Variants in KCNMB2 observed in about 807,000 individuals in gnomAD.
KCNMB2 encodes the protein potassium calcium-activated channel subfamily M regulatory beta subunit 2.
In KCNMB2, 9 loss-of-function variants were observed where a neutral mutation model predicts 24.5. The observed-to-expected ratio is 0.37, with a 90% confidence interval of 0.22 to 0.64. KCNMB2 has a LOEUF of 0.64. KCNMB2 is among the 30% of genes least tolerant of loss of function. KCNMB2 has a pLI of 0.63. For synonymous variants in KCNMB2, 109 were observed against 104.4 expected (o/e 1.04, Z -0.27); for missense variants, 226 against 284.3 (o/e 0.79, Z 1.47).
Position 178,738,362 on chromosome 3 carries a change from T to C in KCNMB2, c.-67-68981T>C, listed in dbSNP as rs568682405. On this transcript the variant is annotated intron_variant, in intron 1 of 4. Coordinates refer to ENST00000452583, the MANE Select transcript of KCNMB2 (RefSeq NM_181361.3). ...AATCTATTCTACTCTAGCAGCAAGA[T>C]GGATGTTTTTACAATTCAAATCTGG... Among the ~76,000 whole-genome samples, 7 of 152,334 alleles carry C rather than the reference T, an allele frequency of 4.6e-5. No homozygotes were observed. In the East Asian group the frequency reaches 1.4e-3, roughly 29 times the overall value.
At chr3:178,596,374 T>C (rs561294867) in intron 1 of KCNMB2, among the ~76,000 whole-genome samples, 1 of 152,274 alleles carries the variant, frequency 6.6e-6, no homozygotes, top group African/African-American at 2.4e-5. Context: ...AAAGGCATTA[T>C]TTTTCTATTT....
At position 178,843,216 on chromosome 3, in the gene KCNMB2, A is replaced by G; in HGVS notation, c.*279A>G. 1.9e-6 allele frequency: 1 copy of G among 526,756 alleles called. No individual in the cohort carries two copies. The allele number at this position is 526,756 out of a possible 1,614,324, so 32.6% of individuals were successfully genotyped here. On this transcript the variant is annotated 3_prime_UTR_variant, in exon 5 of 5. Transcript: ENST00000452583. ...CTCTCATTCCGCCAAAACAGGGCTC[A>G]GTTATTCATTTGCCAAGCTTCGTGG...
chr3:178,747,691 G>A (rs1045018556), intron 1 of KCNMB2, among the ~76,000 whole-genome samples: 4 of 152,152 alleles, frequency 2.6e-5, no homozygotes, highest in African/African-American at 9.7e-5. Flanking sequence ...TTGTCTTTGA[G>A]TCTATAAATC....
intron 1 of KCNMB2, among the ~76,000 whole-genome samples, chr3:178,576,669 A>G (rs917054594): frequency 9.9e-5 from 15 of 152,136 alleles, no homozygotes; most frequent in African/African-American, 3.4e-4. Context: ...AGGGGCATCC[A>G]CCATTACCAA....
intron 1 of KCNMB2, among the ~76,000 whole-genome samples, chr3:178,764,863 A>G (rs1255135059): frequency 6.6e-6 from 1 of 152,242 alleles, no homozygotes; most frequent in Non-Finnish European, 1.5e-5. Context: ...TGTTAGCCAC[A>G]GAAGAAAATG....
chr3:178,722,654 G>A (rs1722846005), intron 1 of KCNMB2, among the ~76,000 whole-genome samples: 1 of 152,078 alleles, frequency 6.6e-6, no homozygotes, highest in Non-Finnish European at 1.5e-5. Context: ...AGCACTTTGG[G>A]GACCAAGATG....
intron 4 of KCNMB2, among the ~76,000 whole-genome samples, chr3:178,833,552 C>T (rs963502959): frequency 1.3e-5 from 2 of 152,108 alleles, no homozygotes; most frequent in African/African-American, 4.8e-5. Context: ...AAACAATTTT[C>T]AACGTCAACT....
At chr3:178,571,814 G>A (rs1408933800) in intron 1 of KCNMB2, among the ~76,000 whole-genome samples, 1 of 152,014 alleles carries the variant, frequency 6.6e-6, no homozygotes, top group African/African-American at 2.4e-5. Context: ...TTAGTTTGCT[G>A]AGAATGATGG....
Position 178,842,661 on chromosome 3 carries a change from T to A in KCNMB2, c.432T>A (p.Tyr144Ter). ...ETIKINQKCS[Y>*]IPKCGKNFEE... ...TATCTTATTCTCCACAGTGCTCCTA[T>A]ATACCTAAATGTGGAAAAAATTTTG... The change falls in exon 5 of 5, where the codon TAT (tyrosine) becomes TAA (stop). Residue 144 changes from tyrosine to a stop codon, truncating the protein, a stop_gained. Transcript: ENST00000452583. LOFTEE classifies it high-confidence loss of function. 6.2e-7 allele frequency: 1 copy of A among 1,603,524 alleles called. No homozygotes were observed.
chr3:178,569,340 C>T (rs1316870145), intron 1 of KCNMB2, among the ~76,000 whole-genome samples: 1 of 152,134 alleles, frequency 6.6e-6, no homozygotes, highest in East Asian at 1.9e-4. Context: ...AAACATAGCA[C>T]ATTCTAATTT....
At chr3:178,577,768 A>G (rs910887138) in intron 1 of KCNMB2, among the ~76,000 whole-genome samples, 2 of 152,208 alleles carry the variant, frequency 1.3e-5, no homozygotes, top group African/African-American at 4.8e-5. Context: ...AAGCAGAAGA[A>G]AGGATATCAG....
chr3:178,810,972 T>A (rs1433734007), intron 2 of KCNMB2, among the ~76,000 whole-genome samples: 1 of 147,546 alleles, frequency 6.8e-6, no homozygotes, highest in African/African-American at 2.5e-5. Context: ...CAGGATGGTC[T>A]CAATCTCCTG....
chr3:178,757,623 G>T (rs772372626), intron 1 of KCNMB2, among the ~76,000 whole-genome samples: 1 of 35,422 alleles, frequency 2.8e-5, no homozygotes, highest in Non-Finnish European at 5.5e-5. Context: ...TATCCAAGAG[G>T]ATATATATAT....
chr3:178,554,393 C>G (rs1716055555), intron 1 of KCNMB2, among the ~76,000 whole-genome samples: 1 of 152,134 alleles, frequency 6.6e-6, no homozygotes, highest in Non-Finnish European at 1.5e-5. Context: ...TACCAAAGAA[C>G]CATGCCTATT....
At chr3:178,638,565 T>C (rs1050842819) in intron 1 of KCNMB2, among the ~76,000 whole-genome samples, 2 of 152,234 alleles carry the variant, frequency 1.3e-5, no homozygotes, top group South Asian at 4.1e-4. Flanking sequence ...AATTCTCTTA[T>C]GGCACTTCTC....
chr3:178,772,153 C>T (rs1235333401), intron 1 of KCNMB2, among the ~76,000 whole-genome samples: 1 of 152,182 alleles, frequency 6.6e-6, no homozygotes, highest in African/African-American at 2.4e-5. Flanking sequence ...GCATTATCAC[C>T]AGCCAACATG....
intron 1 of KCNMB2, among the ~76,000 whole-genome samples, chr3:178,685,128 G>A (rs1721420342): frequency 6.6e-6 from 1 of 152,202 alleles, no homozygotes; most frequent in Non-Finnish European, 1.5e-5. Context: ...CACAAACTGA[G>A]AAGAGAGATC....
At chr3:178,624,862 GC>G (rs1719054738) in intron 1 of KCNMB2, among the ~76,000 whole-genome samples, 1 of 152,028 alleles carries the variant, frequency 6.6e-6, no homozygotes, top group South Asian at 2.1e-4. Context: ...GCAGGGGAGG[GC>G]CCCATGGTCT....
intron 1 of KCNMB2, among the ~76,000 whole-genome samples, chr3:178,782,541 GTGA>G (rs1186076432): frequency 6.7e-6 from 1 of 148,438 alleles, no homozygotes; most frequent in South Asian, 2.2e-4. Flanking sequence ...CTGATGGCCA[GTGA>G]TGATGAGCAT....
Sources: allele counts gnomAD v4.1 joint callset (sites outside exome capture counted in the v4.1 genomes callset), GRCh38; gene constraint gnomAD v4.1.1; transcripts MANE v1.5; gene names NCBI Gene and HGNC (gene_info 2026-07-23, HGNC 2026-07-21).